PPP2R3A: variants seen among roughly 807,000 people sequenced by gnomAD.
PPP2R3A encodes the protein protein phosphatase 2 regulatory subunit B''alpha, also known as serine/threonine-protein phosphatase 2A regulatory subunit B'' subunit alpha.
PPP2R3A carries 80 observed loss-of-function variants against 106.9 expected under a neutral mutation model. The ratio of observed to expected loss-of-function variants is 0.75; its 90% CI spans 0.62 to 0.90. PPP2R3A has a LOEUF of 0.90. PPP2R3A is among the 40% of genes least tolerant of loss of function. PPP2R3A has a pLI of 0.00. For missense variants in PPP2R3A, 1,386 were observed against 1,350.4 expected (o/e 1.03, Z -0.41); for synonymous variants, 483 against 468.3 (o/e 1.03, Z -0.41).
At chr3:136,055,404 C>A in intron 5 of PPP2R3A, 1 of 994,492 alleles carries the variant, frequency 1.0e-6, no homozygotes, top group Admixed American at 1.7e-5. Context: ...CTCTTATCCC[C>A]TGTTGCTCTC....
At chr3:136,023,955 A>G (rs867051665) in intron 2 of PPP2R3A, among the ~76,000 whole-genome samples, 6 of 152,162 alleles carry the variant, frequency 3.9e-5, no homozygotes, top group African/African-American at 1.4e-4. Context: ...GCAAGAAACC[A>G]TAGTTTTATG....
intron 5 of PPP2R3A, among the ~76,000 whole-genome samples, chr3:136,060,438 T>G (rs1936037003): frequency 6.6e-6 from 1 of 152,146 alleles, no homozygotes; most frequent in East Asian, 1.9e-4. Context: ...TGGTGGGAGA[T>G]GATTGGATTA....
At chr3:136,007,723 AAAATTTTGT>A (rs1317211851) in intron 2 of PPP2R3A, among the ~76,000 whole-genome samples, 2 of 152,192 alleles carry the variant, frequency 1.3e-5, no homozygotes, top group African/African-American at 4.8e-5. Context: ...TTAAATTTTG[AAAATTTTGT>A]AACAATTTAC....
At chr3:136,034,354 G>A (rs1259691765) in intron 3 of PPP2R3A, among the ~76,000 whole-genome samples, 3 of 152,140 alleles carry the variant, frequency 2.0e-5, no homozygotes, top group Non-Finnish European at 2.9e-5. Context: ...TGATGTAGGC[G>A]TTTAGGGCTA....
intron 13 of PPP2R3A, among the ~76,000 whole-genome samples, chr3:136,143,074 A>T (rs892477623): frequency 2.0e-5 from 3 of 152,228 alleles, no homozygotes; most frequent in Non-Finnish European, 2.9e-5. Context: ...AATGGAATGG[A>T]ATATTTTTAT....
At chr3:135,976,204 A>G (rs1937417479) in intron 1 of PPP2R3A, among the ~76,000 whole-genome samples, 1 of 149,620 alleles carries the variant, frequency 6.7e-6, no homozygotes, top group Admixed American at 6.6e-5. Context: ...GTATAACTGT[A>G]AGTTTCGGCT....
At chr3:136,051,259 A>G (rs1304467597) in intron 5 of PPP2R3A, among the ~76,000 whole-genome samples, 1 of 152,210 alleles carries the variant, frequency 6.6e-6, no homozygotes, top group Non-Finnish European at 1.5e-5. Context: ...ATGGATACCT[A>G]AAGAAGGGCA....
intron 3 of PPP2R3A, among the ~76,000 whole-genome samples, chr3:136,040,643 G>A (rs571366146): frequency 2.7e-4 from 41 of 152,112 alleles, no homozygotes; most frequent in Non-Finnish European, 4.9e-4. Context: ...ATGAATTTCC[G>A]TTTTCTTCAT....
intron 13 of PPP2R3A, among the ~76,000 whole-genome samples, chr3:136,140,452 A>C (rs1371864585): frequency 6.7e-5 from 10 of 149,862 alleles, no homozygotes; most frequent in African/African-American, 2.5e-4. Flanking sequence ...TAAAAAAAAA[A>C]AAAAAAAAAA....
chr3:136,034,669 A>G (rs981223384), intron 3 of PPP2R3A, among the ~76,000 whole-genome samples: 1 of 152,162 alleles, frequency 6.6e-6, no homozygotes, highest in African/African-American at 2.4e-5. Context: ...AGAAAGTTCC[A>G]TGTGCTGTTG....
chr3:136,046,108 T>C (rs1576459552), intron 4 of PPP2R3A, among the ~76,000 whole-genome samples: 1 of 151,798 alleles, frequency 6.6e-6, no homozygotes, highest in South Asian at 2.1e-4. Flanking sequence ...GCCCAGAAGG[T>C]TGAGGCTGCA....
intron 13 of PPP2R3A, among the ~76,000 whole-genome samples, chr3:136,140,764 G>C (rs1424014735): frequency 6.9e-6 from 1 of 145,618 alleles, no homozygotes; most frequent in Non-Finnish European, 1.5e-5. Flanking sequence ...AAAAAAAAAA[G>C]CCGGTTGTGG....
At chr3:136,088,041 A>G (rs1937001067) in intron 9 of PPP2R3A, 110 bp downstream of exon 9, 1 of 823,386 alleles carries the variant, frequency 1.2e-6, no homozygotes, top group African/African-American at 1.7e-5. Flanking sequence ...GGACCAAATA[A>G]TATCCTATAA....
intron 2 of PPP2R3A, among the ~76,000 whole-genome samples, chr3:136,018,923 G>C (rs1934370488): frequency 6.6e-6 from 1 of 152,156 alleles, no homozygotes; most frequent in African/African-American, 2.4e-5. Flanking sequence ...ATATGGAATG[G>C]TAAGGCAGGA....
At chr3:136,015,672 A>G (rs1934243756) in intron 2 of PPP2R3A, among the ~76,000 whole-genome samples, 1 of 149,136 alleles carries the variant, frequency 6.7e-6, no homozygotes, top group African/African-American at 2.5e-5. Flanking sequence ...TTCCTGTTTC[A>G]TTTCTAATTG....
intron 1 of PPP2R3A, among the ~76,000 whole-genome samples, chr3:135,967,719 A>AC (rs909520975): frequency 3.3e-5 from 5 of 151,804 alleles, no homozygotes; most frequent in African/African-American, 1.2e-4. Context: ...TTTGCTTGAC[A>AC]CCCCCCATCC....
chr3:136,063,506 T>A (rs868494084), intron 5 of PPP2R3A, among the ~76,000 whole-genome samples: 69 of 152,118 alleles, frequency 4.5e-4, no homozygotes, highest in Non-Finnish European at 7.9e-4. Context: ...TGGGAGAAAA[T>A]TTTTGCAACC....
chr3:136,111,860 A>G (rs889758342), intron 13 of PPP2R3A, among the ~76,000 whole-genome samples: 1 of 152,230 alleles, frequency 6.6e-6, no homozygotes, highest in East Asian at 1.9e-4. Flanking sequence ...CTTCAGGCCA[A>G]TATCCTTGAT....
intron 9 of PPP2R3A, among the ~76,000 whole-genome samples, chr3:136,088,709 A>G (rs183251076): frequency 3.0e-4 from 45 of 152,330 alleles, no homozygotes; most frequent in African/African-American, 1.1e-3. Flanking sequence ...ATTCCCACTA[A>G]CAGTGTATAA....
Sources: gnomAD v4.1 joint callset for allele counts (sites outside exome capture counted in the v4.1 genomes callset) on GRCh38, gnomAD v4.1.1 for gene constraint, MANE v1.5 for transcripts, NCBI Gene and HGNC (gene_info 2026-07-23, HGNC 2026-07-21) for gene names.